The following FSTL5 variants were observed in gnomAD, a reference collection of about 807,000 sequenced individuals.
FSTL5 encodes the protein follistatin-related protein 5.
Under a neutral mutation model 89.1 loss-of-function variants are expected in FSTL5, and 62 were observed. The ratio of observed to expected loss-of-function variants is 0.70; its 90% CI spans 0.57 to 0.86. The LOEUF is 0.86. FSTL5 is among the 40% of genes least tolerant of loss of function. FSTL5 has a pLI of 0.00. For synonymous variants in FSTL5, 383 were observed against 346.2 expected, an observed-to-expected ratio of 1.11 and a Z score of -1.18; for missense variants, 1,057 against 1,001.6, an observed-to-expected ratio of 1.06 and a Z score of -0.75.
chr4:161,790,043 T>A (rs980996091), intron 4 of FSTL5, among the ~76,000 whole-genome samples: 12 of 152,218 alleles, frequency 7.9e-5, no homozygotes, highest in African/African-American at 2.7e-4. Context: ...TTAAATAGGA[T>A]GTTATTATTT....
intron 2 of FSTL5, among the ~76,000 whole-genome samples, chr4:162,087,340 T>A (rs1404517969): frequency 6.6e-6 from 1 of 152,100 alleles, no homozygotes; most frequent in Non-Finnish European, 1.5e-5. Context: ...ATTTTCTGCA[T>A]CAAACTGTAA....
intron 3 of FSTL5, among the ~76,000 whole-genome samples, chr4:162,024,821 T>A (rs974267750): frequency 4.6e-5 from 7 of 152,028 alleles, no homozygotes; most frequent in Non-Finnish European, 8.8e-5. Flanking sequence ...GGCTAATTTT[T>A]TTTTATTTTA....
intron 2 of FSTL5, among the ~76,000 whole-genome samples, chr4:162,077,146 G>T (rs1450918825): frequency 1.3e-5 from 2 of 151,768 alleles, no homozygotes; most frequent in African/African-American, 2.4e-5. Flanking sequence ...AATATCAAGG[G>T]GCTGGCAGCT....
chr4:161,961,503 T>A lies in FSTL5; in HGVS notation c.161-40851A>T, dbSNP rs547718829. On this transcript the variant is annotated intron_variant, in intron 3 of 15. Transcript: ENST00000306100. Reference sequence around the variant, plus strand: ...TAATTAGTAATCAAATAATGTTATATACATCACATTACTCTAGAAAAATAT... The same window carrying A: ...TAATTAGTAATCAAATAATGTTATAAACATCACATTACTCTAGAAAAATAT... Among the ~76,000 whole-genome samples the A allele has an allele frequency of 2.7e-4, 39 of 142,016 alleles. 3 individuals are homozygous for A. The South Asian group carries it at 8.7e-3, about 32-fold the overall frequency. 93.2% of individuals were successfully genotyped at this position (142,016 alleles called of 152,430 possible). A position where few individuals can be genotyped will look rare whatever the true frequency, so the allele number is the denominator to read the frequency against.
chr4:161,644,732 G>T (rs1463860411), intron 7 of FSTL5, among the ~76,000 whole-genome samples: 3 of 152,058 alleles, frequency 2.0e-5, no homozygotes, highest in African/African-American at 7.2e-5. Context: ...AAAGTGAAAT[G>T]GTCACATGTA....
At chr4:161,641,453 T>G (rs906613257) in intron 7 of FSTL5, among the ~76,000 whole-genome samples, 2 of 151,918 alleles carry the variant, frequency 1.3e-5, no homozygotes, top group Admixed American at 1.3e-4. Context: ...AGCAGAATTT[T>G]GTATGTGATT....
intron 4 of FSTL5, among the ~76,000 whole-genome samples, chr4:161,862,609 G>C (rs1383099491): frequency 3.3e-5 from 5 of 152,114 alleles, no homozygotes; most frequent in Non-Finnish European, 7.3e-5. Flanking sequence ...GTGCGCACCT[G>C]TAGTCCCAGC....
At chr4:161,890,968 G>C (rs932376698) in intron 4 of FSTL5, among the ~76,000 whole-genome samples, 9 of 151,904 alleles carry the variant, frequency 5.9e-5, no homozygotes, top group South Asian at 4.2e-4. Flanking sequence ...TGATATTACT[G>C]AGTTCATAAA....
chr4:161,756,766 AAC>A (rs1740586016), intron 6 of FSTL5, among the ~76,000 whole-genome samples: 1 of 152,192 alleles, frequency 6.6e-6, no homozygotes, highest in Non-Finnish European at 1.5e-5. Context: ...TCATAAAAAT[AAC>A]AGATTACTCA....
chr4:161,929,627 C>T (rs17041765), intron 3 of FSTL5, among the ~76,000 whole-genome samples: 3,050 of 150,244 alleles, frequency 0.02, 92 homozygotes, highest in African/African-American at 0.069. Context: ...CAATCATAAT[C>T]TTAACTACCA....
intron 4 of FSTL5, among the ~76,000 whole-genome samples, chr4:161,813,302 T>C (rs1730223626): frequency 6.6e-6 from 1 of 152,150 alleles, no homozygotes; most frequent in Non-Finnish European, 1.5e-5. Context: ...GTGCTGGGAT[T>C]ACAAGTGTGA....
chr4:161,806,382 T>C (rs1729966833), intron 4 of FSTL5, among the ~76,000 whole-genome samples: 1 of 152,082 alleles, frequency 6.6e-6, no homozygotes, highest in East Asian at 1.9e-4. Context: ...GTTGGGCATA[T>C]AGTGCCTCAA....
At chr4:161,667,016 C>CT (rs1480806510) in intron 6 of FSTL5, among the ~76,000 whole-genome samples, 8 of 151,888 alleles carry the variant, frequency 5.3e-5, no homozygotes, top group Admixed American at 4.6e-4. Context: ...TCATTATATT[C>CT]TTTTTGTATA....
chr4:161,536,957 T>G (rs902341077), intron 10 of FSTL5, among the ~76,000 whole-genome samples: 1 of 152,192 alleles, frequency 6.6e-6, no homozygotes, highest in African/African-American at 2.4e-5. Context: ...ATAAAAGGAA[T>G]AGAGCAAAGG....
chr4:162,152,018 G>A (rs548289963), intron 1 of FSTL5, among the ~76,000 whole-genome samples: 1 of 152,190 alleles, frequency 6.6e-6, no homozygotes, highest in African/African-American at 2.4e-5. Context: ...GTAGCATCCA[G>A]AGCAGTTTTC....
At chr4:161,399,341 GT>G (rs1731104702) in intron 15 of FSTL5, among the ~76,000 whole-genome samples, 1 of 152,024 alleles carries the variant, frequency 6.6e-6, no homozygotes, top group Non-Finnish European at 1.5e-5. Context: ...TATTTTGTAT[GT>G]TATATAAATT....
chr4:162,048,074 C>G, intron 2 of FSTL5, among the ~76,000 whole-genome samples: 1 of 151,994 alleles, frequency 6.6e-6, no homozygotes, highest in Middle Eastern at 3.2e-3. Flanking sequence ...CGCCTGTAAT[C>G]CCAGCAGTTT....
At chr4:161,961,536 T>TATAC (rs1735176325) in intron 3 of FSTL5, among the ~76,000 whole-genome samples, 1 of 150,638 alleles carries the variant, frequency 6.6e-6, no homozygotes, top group Non-Finnish European at 1.5e-5. Flanking sequence ...TATATATATA[T>TATAC]ATATACATAT....
chr4:161,624,388 TAG>T (rs1735239740), intron 7 of FSTL5, among the ~76,000 whole-genome samples: 1 of 151,988 alleles, frequency 6.6e-6, no homozygotes, highest in Admixed American at 6.6e-5. Flanking sequence ...TTTTAAGAAT[TAG>T]AGTTTAGGAT....
Sources: allele counts gnomAD v4.1 joint callset (sites outside exome capture counted in the v4.1 genomes callset), GRCh38; gene constraint gnomAD v4.1.1; transcripts MANE v1.5; gene names NCBI Gene and HGNC (gene_info 2026-07-23, HGNC 2026-07-21).